The following ZDHHC14 variants were observed in gnomAD, a reference collection of about 807,000 sequenced individuals.
ZDHHC14 encodes zDHHC palmitoyltransferase 14, also known as palmitoyltransferase ZDHHC14.
ZDHHC14 carries 16 observed loss-of-function variants against 47.7 expected under a neutral mutation model. The observed-to-expected ratio is 0.34, with a 90% CI of 0.23 to 0.51. The LOEUF (loss-of-function observed/expected upper bound fraction) is 0.51, where lower values mean the gene tolerates loss of function less well. Ranked by LOEUF, ZDHHC14 falls within the 20% of genes least tolerant of loss-of-function variation. The pLI, the probability that ZDHHC14 is intolerant of heterozygous loss-of-function variation, is 0.97. For synonymous variants in ZDHHC14, 293 were observed against 278.9 expected (o/e 1.05, Z -0.50); for missense variants, 515 against 662.5 (o/e 0.78, Z 2.44).
Position 157,569,963 on chromosome 6 carries a change from T to C in ZDHHC14, c.407-23025T>C, listed in dbSNP as rs148576401. Among the ~76,000 whole-genome samples the C allele has an allele frequency of 5.0e-3, 757 of 152,370 alleles. 2 individuals carry two copies. The highest frequency in any genetic ancestry group is 0.017 in the African/African-American group (709 of 41,600). On this transcript the variant is annotated intron_variant, in intron 2 of 8. Transcript: ENST00000359775. ...TAACCTTAATGAAGATTTTTATTCATTTTATCCAATCTGTGTTGATTAGAG... is the reference window on the plus strand; with the variant it reads ...TAACCTTAATGAAGATTTTTATTCACTTTATCCAATCTGTGTTGATTAGAG...
intron 3 of ZDHHC14, among the ~76,000 whole-genome samples, chr6:157,609,468 A>C (rs1438603988): frequency 6.6e-6 from 1 of 152,190 alleles, no homozygotes; most frequent in African/African-American, 2.4e-5. Flanking sequence ...TGCTCCCTTT[A>C]TCCAGAATGT....
At chr6:157,509,032 A>G (rs1780398487) in intron 1 of ZDHHC14, among the ~76,000 whole-genome samples, 1 of 152,216 alleles carries the variant, frequency 6.6e-6, no homozygotes, top group African/African-American at 2.4e-5. Context: ...GGTTAACCTC[A>G]GCTTCCAGAG....
At chr6:157,622,573 A>G (rs1230578951) in intron 3 of ZDHHC14, among the ~76,000 whole-genome samples, 1 of 152,074 alleles carries the variant, frequency 6.6e-6, no homozygotes, top group African/African-American at 2.4e-5. Flanking sequence ...TGGGGCTCTC[A>G]CTGGTACCCC....
intron 1 of ZDHHC14, among the ~76,000 whole-genome samples, chr6:157,390,528 C>T (rs183203975): frequency 3.3e-5 from 5 of 152,196 alleles, no homozygotes. Flanking sequence ...TTATATATGA[C>T]ATCATTTTAT....
chr6:157,576,299 A>G (rs1315661023), intron 2 of ZDHHC14, among the ~76,000 whole-genome samples: 1 of 152,232 alleles, frequency 6.6e-6, no homozygotes, highest in African/African-American at 2.4e-5. Context: ...AGAAAATTTC[A>G]CATTTTAATT....
intron 1 of ZDHHC14, among the ~76,000 whole-genome samples, chr6:157,452,650 G>A (rs1309832272): frequency 2.7e-5 from 4 of 148,488 alleles, no homozygotes; most frequent in Non-Finnish European, 5.9e-5. Context: ...TGAAAGGAAA[G>A]GTGTTTGGCA....
At chr6:157,585,122 G>A (rs1783642116) in intron 2 of ZDHHC14, among the ~76,000 whole-genome samples, 1 of 152,054 alleles carries the variant, frequency 6.6e-6, no homozygotes, top group Non-Finnish European at 1.5e-5. Context: ...CAGGAGAATT[G>A]CTTGAACCCA....
intron 5 of ZDHHC14, among the ~76,000 whole-genome samples, chr6:157,636,129 A>G (rs1732947437): frequency 6.6e-6 from 1 of 151,984 alleles, no homozygotes; most frequent in Non-Finnish European, 1.5e-5. Flanking sequence ...GGCCTTCCAA[A>G]ATGTCAGCCA....
intron 6 of ZDHHC14, among the ~76,000 whole-genome samples, chr6:157,646,983 A>C (rs2114982764): frequency 6.6e-6 from 1 of 152,312 alleles, no homozygotes; most frequent in Non-Finnish European, 1.5e-5. Flanking sequence ...GTATGAAAAA[A>C]ATCTCTGCTG....
intron 3 of ZDHHC14, among the ~76,000 whole-genome samples, chr6:157,602,768 CCT>C (rs1784385850): frequency 6.6e-6 from 1 of 152,158 alleles, no homozygotes; most frequent in Non-Finnish European, 1.5e-5. Context: ...GAGGATGCTT[CCT>C]CTGAGCTTTC....
intron 3 of ZDHHC14, among the ~76,000 whole-genome samples, chr6:157,595,382 C>T (rs986954481): frequency 1.1e-4 from 16 of 151,590 alleles, no homozygotes; most frequent in Non-Finnish European, 1.8e-4. Context: ...TTCTTAGAGA[C>T]GAGGTTTCAC....
At chr6:157,472,588 C>A (rs567029746) in intron 1 of ZDHHC14, among the ~76,000 whole-genome samples, 4 of 152,262 alleles carry the variant, frequency 2.6e-5, no homozygotes, top group African/African-American at 7.2e-5. Context: ...CCATGTGACT[C>A]TCCTGAAAAT....
chr6:157,533,158 C>A (rs1293603536), intron 1 of ZDHHC14, among the ~76,000 whole-genome samples: 2 of 152,138 alleles, frequency 1.3e-5, no homozygotes, highest in Admixed American at 1.3e-4. Context: ...TTCATTTCAT[C>A]TAACAAATAG....
chr6:157,611,517 C>T (rs1007429324), intron 3 of ZDHHC14, among the ~76,000 whole-genome samples: 1 of 152,130 alleles, frequency 6.6e-6, no homozygotes, highest in Non-Finnish European at 1.5e-5. Flanking sequence ...TGGGGCCTCC[C>T]GGGCACATTT....
chr6:157,412,754 C>T (rs184163215), intron 1 of ZDHHC14, among the ~76,000 whole-genome samples: 3 of 152,286 alleles, frequency 2.0e-5, no homozygotes, highest in Admixed American at 6.5e-5. Context: ...CAGGAGACCA[C>T]GTAGGTGCAC....
chr6:157,605,142 A>G (rs537443532), intron 3 of ZDHHC14, among the ~76,000 whole-genome samples: 2 of 152,342 alleles, frequency 1.3e-5, no homozygotes, highest in South Asian at 4.1e-4. Flanking sequence ...CATGTGCCTT[A>G]GTTTTGAAAG....
chr6:157,663,251 G>A (rs2115005314), intron 8 of ZDHHC14, among the ~76,000 whole-genome samples: 1 of 152,354 alleles, frequency 6.6e-6, no homozygotes, highest in African/African-American at 2.4e-5. Context: ...GATGAGATGT[G>A]TTCTGTGTGG....
chr6:157,512,748 A>G (rs1780540378), intron 1 of ZDHHC14, among the ~76,000 whole-genome samples: 1 of 152,212 alleles, frequency 6.6e-6, no homozygotes, highest in Non-Finnish European at 1.5e-5. Flanking sequence ...ACAGATAAAA[A>G]TATATCCGTC....
Position 157,583,098 on chromosome 6 carries a change from T to C in ZDHHC14, c.407-9890T>C, listed in dbSNP as rs895356225. Among the ~76,000 whole-genome samples the C allele has an allele frequency of 5.9e-5, 9 of 152,078 alleles. No individual in the cohort carries two copies. The South Asian group carries it at 1.9e-3, about 32-fold the overall frequency. ...GTTTGGTCCTTTTTTATAATGACTG[T>C]TTCATCTGTCAGCTTCTGTATCATT... is the stretch of plus-strand genomic sequence containing the variant. On this transcript the variant is annotated intron_variant, in intron 2 of 8. Transcript: ENST00000359775.
Sources: gnomAD v4.1 joint callset for allele counts (sites outside exome capture counted in the v4.1 genomes callset) on GRCh38, gnomAD v4.1.1 for gene constraint, MANE v1.5 for transcripts, NCBI Gene and HGNC (gene_info 2026-07-23, HGNC 2026-07-21) for gene names.